VCPIP1: variants seen among roughly 807,000 people sequenced by gnomAD.
The protein encoded by VCPIP1 is valosin containing protein interacting protein 1.
A neutral mutation model predicts 85.0 loss-of-function variants in VCPIP1; 8 were observed. That is an observed-to-expected ratio of 0.09 (90% confidence interval 0.06 to 0.17). The LOEUF is 0.17. VCPIP1 is among the 10% of genes least tolerant of loss of function. The probability of loss-of-function intolerance (pLI) is 1.00; values close to 1 mark genes in which losing one functional copy is unlikely to be tolerated. For synonymous variants in VCPIP1, 543 were observed against 544.5 expected (o/e 1.00, Z 0.04); for missense variants, 1,070 against 1,486.3 (o/e 0.72, Z 4.61).
chr8:66,633,297 T>G lies in VCPIP1; in HGVS notation c.*1204A>C, dbSNP rs150362491. On this transcript the variant is annotated 3_prime_UTR_variant, in exon 3 of 3. Transcript: ENST00000310421. ...TTTCAGCCATTCAAATTCAACTTAA[T>G]TTCAGTGAACAGAGAAGAATATGGG... 14 of 152,662 alleles carry G rather than the reference T, an allele frequency of 9.2e-5. No homozygotes were observed. The highest frequency in any genetic ancestry group is 3.1e-4 in the African/African-American group (13 of 41,560). 9.5% of individuals were successfully genotyped at this position (152,662 alleles called of 1,614,324 possible).
chr8:66,638,272 CTTGAGCCTAAGAGT>C (rs1025458025), intron 2 of VCPIP1, among the ~76,000 whole-genome samples: 1 of 152,068 alleles, frequency 6.6e-6, no homozygotes, highest in Admixed American at 6.5e-5. Context: ...AAATTGACTA[CTTGAGCCTAAGAGT>C]TCCAGCCTGG....
chr8:66,667,097 T>A lies in VCPIP1; in HGVS notation c.-139A>T. On this transcript the variant is annotated 5_prime_UTR_variant, in exon 1 of 3. Coordinates refer to ENST00000310421, the MANE Select transcript of VCPIP1 (RefSeq NM_025054.5). ...TTTCCCTACCAGCTCTTCCTCCTCC[T>A]AAGCGAAGGCGGAAGCGCCGGACGT... 1 of 1,394,418 alleles carries A rather than the reference T, an allele frequency of 7.2e-7. No homozygotes were observed. The highest frequency in any genetic ancestry group is 1.7e-5 in the South Asian group (1 of 58,006). The allele number at this position is 1,394,418 out of a possible 1,614,324, so 86.4% of individuals were successfully genotyped here.
intron 1 of VCPIP1, among the ~76,000 whole-genome samples, chr8:66,662,942 T>C (rs1443803538): frequency 6.6e-6 from 1 of 151,792 alleles, no homozygotes; most frequent in Admixed American, 6.6e-5. Context: ...CCGTCTCTAC[T>C]AAAAATACAA....
At chr8:66,650,415 G>A (rs1028286524) in intron 2 of VCPIP1, among the ~76,000 whole-genome samples, 5 of 152,106 alleles carry the variant, frequency 3.3e-5, no homozygotes, top group Non-Finnish European at 5.9e-5. Flanking sequence ...AGATAAGCCA[G>A]AACGGTAAAT....
At chr8:66,639,901 G>A (rs1219890617) in intron 2 of VCPIP1, among the ~76,000 whole-genome samples, 1 of 152,072 alleles carries the variant, frequency 6.6e-6, no homozygotes, top group Non-Finnish European at 1.5e-5. Context: ...GCTACATGAT[G>A]AGAACATATG....
intron 1 of VCPIP1, among the ~76,000 whole-genome samples, chr8:66,658,462 T>C (rs545505746): frequency 4.0e-4 from 61 of 151,922 alleles, no homozygotes; most frequent in African/African-American, 1.4e-3. Context: ...AAAATAAGTG[T>C]CTCAGTCCCA....
chr8:66,665,265 G>A lies in VCPIP1; in HGVS notation c.1694C>T (p.Ser565Phe), dbSNP rs752296412. The change falls in exon 1 of 3, where the codon TCT becomes TTT. Residue 565 changes from serine (S) to phenylalanine (F), a missense_variant. Physicochemically the swap from Ser to Phe is radical, Grantham distance 155. Transcript: ENST00000310421. The surrounding 1 kb of genome is among the most constrained non-coding windows in gnomAD (Gnocchi z 4.3). The stretch of plus-strand genomic sequence containing the variant: ...ACCACATTTGCCACCAGTGGACCTA[G>A]AATTAGTTCTGTCTCCATCCAAATA... ...IVYLDGDRTN[S>F]RSTGGKCGCG... The A allele has an allele frequency of 4.3e-6, 7 of 1,614,160 alleles. No homozygotes were observed. In the East Asian group the frequency reaches 1.6e-4, roughly 36 times the overall value.
In VCPIP1 at chr8:66,665,119, T is replaced by G. The variant is rs954514759; in HGVS notation, c.1840A>C (p.Ser614Arg). ...RETVYWFQYESDSSLNSNVYD... is the reference protein window; with the variant it reads ...RETVYWFQYERDSSLNSNVYD... ...ACATTACTATTCAAAGATGAATCAC[T>G]TTCATACTGGAACCAATATACTGTT... is the stretch of plus-strand genomic sequence containing the variant. Residue 614 changes from serine to arginine, a missense_variant, in exon 1 of 3, where the codon AGT (serine) becomes CGT (arginine). Transcript: ENST00000310421. This position sits in a 1 kb window ranked among gnomAD's most constrained non-coding sequence, Gnocchi z 4.3. 2.2e-5 allele frequency: 36 copies of G among 1,613,052 alleles called. No individual in the cohort carries two copies. Among genetic ancestry groups the G allele is most frequent in the Non-Finnish European group, 3.0e-5 (35 of 1,179,308 alleles).
In VCPIP1 at chr8:66,633,827, A is replaced by G. The variant is rs951311669; in HGVS notation, c.*674T>C. 6.6e-6 allele frequency: 1 copy of G among 152,224 alleles called. No homozygotes were observed. The highest frequency in any genetic ancestry group is 6.5e-5 in the Admixed American group (1 of 15,280). 9.4% of individuals were successfully genotyped at this position (152,224 alleles called of 1,614,324 possible). On this transcript the variant is annotated 3_prime_UTR_variant, in exon 3 of 3. Coordinates refer to ENST00000310421, the MANE Select transcript of VCPIP1 (RefSeq NM_025054.5). ...GTAACATATTAATAGAGCACACACA[A>G]TTGGCTGTGGCTCAGACAGCAACAC...
At chr8:66,658,142 C>T (rs1479891927) in intron 1 of VCPIP1, among the ~76,000 whole-genome samples, 5 of 151,864 alleles carry the variant, frequency 3.3e-5, no homozygotes. Flanking sequence ...GAGACCAGCC[C>T]AGCCAACATG....
chr8:66,664,083 T>C (rs915907264), intron 1 of VCPIP1, among the ~76,000 whole-genome samples, 166 bp downstream of exon 1: 1 of 152,226 alleles, frequency 6.6e-6, no homozygotes, highest in Non-Finnish European at 1.5e-5. Context: ...TCAATAATCC[T>C]ATTAACATCT....
chr8:66,654,424 C>A (rs912356074), intron 1 of VCPIP1, among the ~76,000 whole-genome samples: 3 of 152,178 alleles, frequency 2.0e-5, no homozygotes, highest in Non-Finnish European at 2.9e-5. Flanking sequence ...TGCAGTGAGC[C>A]GAGGTCGTGC....
Position 66,634,796 on chromosome 8 carries a change from C to T in VCPIP1, c.3374G>A (p.Arg1125Gln), listed in dbSNP as rs138706595. Reference protein sequence around the residue: ...SIQASMDRHLRDQSTEQSPSD... With the variant: ...SIQASMDRHLQDQSTEQSPSD... ...TGGTGACTGCTCTGTACTTTGATCC[C>T]GAAGGTGCCTGTCCATTGAAGCCTG... The change falls in exon 3 of 3, where the codon CGG (arginine) becomes CAG (glutamine). Residue 1125 changes from arginine (R) to glutamine (Q), a missense_variant. By Grantham distance (43) the Arg-to-Gln change is conservative. Transcript: ENST00000310421. The T allele has an allele frequency of 3.1e-4, 501 of 1,614,188 alleles. No homozygotes were observed. Among genetic ancestry groups the T allele is most frequent in the South Asian group, 5.2e-4 (47 of 91,066 alleles).
chr8:66,654,202 G>C (rs1160058020), intron 1 of VCPIP1, among the ~76,000 whole-genome samples: 3 of 152,232 alleles, frequency 2.0e-5, no homozygotes, highest in African/African-American at 7.2e-5. Context: ...AGGTCAAATT[G>C]GCCAGGCTCA....
intron 1 of VCPIP1, among the ~76,000 whole-genome samples, chr8:66,654,332 C>T (rs1034661932): frequency 7.2e-5 from 11 of 152,298 alleles, no homozygotes; most frequent in African/African-American, 2.4e-4. Flanking sequence ...AAAAATTAGC[C>T]AGGCGTGGTG....
At chr8:66,643,173 A>G (rs1476669828) in intron 2 of VCPIP1, among the ~76,000 whole-genome samples, 1 of 152,046 alleles carries the variant, frequency 6.6e-6, no homozygotes, top group Non-Finnish European at 1.5e-5. Flanking sequence ...AAATACAAAA[A>G]TTAGCCAGGC....
intron 1 of VCPIP1, among the ~76,000 whole-genome samples, chr8:66,654,133 T>A (rs145495010): frequency 4.0e-4 from 61 of 152,354 alleles, no homozygotes; most frequent in African/African-American, 1.4e-3. Context: ...AGGATTTGAA[T>A]CCTGTGTATC....
In VCPIP1 at chr8:66,634,508, T is replaced by A. The variant is rs1403856866; in HGVS notation, c.3662A>T (p.His1221Leu). The A allele has an allele frequency of 6.3e-7, 1 of 1,590,370 alleles. No homozygotes were observed. The highest frequency in any genetic ancestry group is 2.2e-5 in the East Asian group (1 of 44,726). ...TATTAGCCTCTAATTAAATCAAGAG[T>A]GATCCATTGGCTCAGTTGTGTTAGT... is the stretch of plus-strand genomic sequence containing the variant. ...EMTNTTEPMD[H>L]S Residue 1221 changes from histidine to leucine, a missense_variant, in exon 3 of 3, where the codon CAC becomes CTC. By Grantham distance (99) the His-to-Leu change is moderately conservative (BLOSUM62 -3). Transcript: ENST00000310421.
chr8:66,645,286 C>A (rs919118308), intron 2 of VCPIP1, among the ~76,000 whole-genome samples: 1 of 151,864 alleles, frequency 6.6e-6, no homozygotes, highest in African/African-American at 2.4e-5. Context: ...GGCATTGTTG[C>A]GTGCACCTGT....
Sources: allele counts gnomAD v4.1 joint callset (sites outside exome capture counted in the v4.1 genomes callset), GRCh38; gene constraint gnomAD v4.1.1; non-coding constraint Gnocchi (gnomAD v3.1); transcripts MANE v1.5; gene names NCBI Gene and HGNC (gene_info 2026-07-23, HGNC 2026-07-21).